Variants in LRP1B observed in about 807,000 individuals in gnomAD.
LRP1B encodes the protein low-density lipoprotein receptor-related protein 1B.
A neutral mutation model predicts 556.6 loss-of-function variants in LRP1B; 217 were observed. The observed-to-expected ratio is 0.39, with a 90% CI of 0.35 to 0.44. The LOEUF (loss-of-function observed/expected upper bound fraction) is 0.44, where lower values mean the gene tolerates loss of function less well. Among genes scored for constraint, LRP1B ranks in the 20% least tolerant of loss-of-function variants. LRP1B has a pLI of 1.00. For missense variants in LRP1B, 5,053 were observed against 5,620.8 expected (o/e 0.90, Z 3.23); for synonymous variants, 2,047 against 1,865.8 (o/e 1.10, Z -2.50).
At chr2:141,447,308 T>A (rs1681232949) in intron 3 of LRP1B, among the ~76,000 whole-genome samples, 1 of 151,978 alleles carries the variant, frequency 6.6e-6, no homozygotes, top group Middle Eastern at 3.2e-3. Flanking sequence ...AGTTAGCAAC[T>A]CCTCTGGCCT....
intron 1 of LRP1B, among the ~76,000 whole-genome samples, chr2:141,989,801 A>G (rs1476488608): frequency 6.6e-6 from 1 of 152,088 alleles, no homozygotes; most frequent in Non-Finnish European, 1.5e-5. Context: ...CTCCCCAGCC[A>G]TGGGGAAGTG....
chr2:142,082,077 C>A (rs1286352413), intron 1 of LRP1B, among the ~76,000 whole-genome samples: 2 of 152,128 alleles, frequency 1.3e-5, no homozygotes, highest in East Asian at 3.9e-4. Context: ...TTTTTTCCAC[C>A]ACTTGAAATA....
At chr2:140,259,826 G>C (rs1392972307) in intron 86 of LRP1B, among the ~76,000 whole-genome samples, 1 of 151,640 alleles carries the variant, frequency 6.6e-6, no homozygotes, top group Non-Finnish European at 1.5e-5. Context: ...AATGTTTCAT[G>C]TCCAAAGGCC....
intron 41 of LRP1B, among the ~76,000 whole-genome samples, chr2:140,686,159 T>C (rs1686044446): frequency 1.3e-5 from 2 of 152,086 alleles, no homozygotes; most frequent in Admixed American, 1.3e-4. Context: ...TGAGTAGGAC[T>C]AGAGGACAGG....
intron 1 of LRP1B, among the ~76,000 whole-genome samples, chr2:141,833,533 A>G (rs1317617873): frequency 1.3e-5 from 2 of 151,938 alleles, no homozygotes; most frequent in East Asian, 3.8e-4. Context: ...TAGTATATTC[A>G]TTAATTAATA....
intron 41 of LRP1B, among the ~76,000 whole-genome samples, chr2:140,659,270 A>G (rs1288838476): frequency 6.6e-6 from 1 of 151,912 alleles, no homozygotes; most frequent in Admixed American, 6.6e-5. Flanking sequence ...CATCTAATAG[A>G]TACTTTATGA....
At chr2:141,137,036 G>GA (rs11429558) in intron 7 of LRP1B, among the ~76,000 whole-genome samples, 59,845 of 151,406 alleles carry the variant, frequency 0.4, 13,492 homozygotes, top group African/African-American at 0.63. Context: ...TTCATTATTC[G>GA]AAAAAAAGTC....
chr2:140,483,144 T>A (rs1688309318), intron 59 of LRP1B, among the ~76,000 whole-genome samples: 1 of 152,158 alleles, frequency 6.6e-6, no homozygotes, highest in Admixed American at 6.5e-5. Context: ...CATAAAGAGA[T>A]CCAACTTTTA....
chr2:140,641,462 G>C (rs1350588309), intron 41 of LRP1B, among the ~76,000 whole-genome samples: 6 of 152,190 alleles, frequency 3.9e-5, no homozygotes, highest in Non-Finnish European at 2.9e-5. Flanking sequence ...GATTTCTAAA[G>C]TTTTCCAAAA....
intron 3 of LRP1B, among the ~76,000 whole-genome samples, chr2:141,302,890 T>G (rs1182837696): frequency 6.6e-6 from 1 of 152,066 alleles, no homozygotes; most frequent in Non-Finnish European, 1.5e-5. Flanking sequence ...AAAGAAATCC[T>G]TGTGCAATAT....
intron 2 of LRP1B, among the ~76,000 whole-genome samples, chr2:141,632,295 A>C (rs1470827770): frequency 2.6e-5 from 4 of 152,202 alleles, no homozygotes; most frequent in Non-Finnish European, 5.9e-5. Flanking sequence ...AAAACTCTTA[A>C]TATTAGCAAA....
chr2:140,443,687 C>T (rs527929095), intron 65 of LRP1B, among the ~76,000 whole-genome samples: 1 of 152,196 alleles, frequency 6.6e-6, no homozygotes, highest in Admixed American at 6.5e-5. Flanking sequence ...AGCTTATATG[C>T]ATATATATAT....
At chr2:140,401,679 G>C (rs1041992241) in intron 66 of LRP1B, among the ~76,000 whole-genome samples, 5 of 152,196 alleles carry the variant, frequency 3.3e-5, no homozygotes, top group Non-Finnish European at 4.4e-5. Context: ...GCAACATAGA[G>C]CAAGCTCAAA....
intron 2 of LRP1B, among the ~76,000 whole-genome samples, chr2:141,618,587 C>T (rs1382099835): frequency 1.3e-5 from 2 of 152,256 alleles, no homozygotes; most frequent in South Asian, 2.1e-4. Flanking sequence ...ATTTACATGA[C>T]CACCTGTTTT....
chr2:140,541,756 A>G (rs773582035), intron 44 of LRP1B, 23 bp downstream of exon 44: 2 of 1,563,640 alleles, frequency 1.3e-6, no homozygotes, highest in Non-Finnish European at 1.8e-6. Context: ...GAAAAAACAC[A>G]TTTGCTTTCT....
chr2:141,622,961 T>C (rs1392997222), intron 2 of LRP1B, among the ~76,000 whole-genome samples: 3 of 152,194 alleles, frequency 2.0e-5, no homozygotes, highest in Admixed American at 2.0e-4. Flanking sequence ...AAAAGATAGA[T>C]GGCAGAGTTT....
chr2:140,813,627 G>A (rs759024285), intron 32 of LRP1B, 30 bp downstream of exon 32: 87 of 1,607,144 alleles, frequency 5.4e-5, no homozygotes, highest in Non-Finnish European at 6.7e-5. Flanking sequence ...TCAATACAAA[G>A]CAACCAAGCT....
chr2:140,248,345 A>T (rs1681257667), intron 86 of LRP1B, among the ~76,000 whole-genome samples: 1 of 151,698 alleles, frequency 6.6e-6, no homozygotes, highest in African/African-American at 2.4e-5. Flanking sequence ...ACACTATTAG[A>T]TAAGAGTTAT....
Position 140,567,102 on chromosome 2 carries a change from G to A in LRP1B, c.7195-25131C>T, listed in dbSNP as rs751474664. ...AAAAATGGCTAGGCTGAGACACCCT[G>A]CCCCATAAGACAAACAACTCTAATA... On this transcript the variant is annotated intron_variant, in intron 43 of 90. Transcript: ENST00000389484. Among the ~76,000 whole-genome samples the A allele has an allele frequency of 5.3e-5, 8 of 152,070 alleles. No homozygotes were observed. The South Asian group carries it at 8.3e-4, about 16-fold the overall frequency.
Sources: allele counts gnomAD v4.1 joint callset (sites outside exome capture counted in the v4.1 genomes callset), GRCh38; gene constraint gnomAD v4.1.1; transcripts MANE v1.5; gene names NCBI Gene and HGNC (gene_info 2026-07-23, HGNC 2026-07-21).